The following PPP2R5A variants were observed in gnomAD, a reference collection of about 807,000 sequenced individuals.
PPP2R5A encodes the protein serine/threonine-protein phosphatase 2A 56 kDa regulatory subunit alpha isoform.
In PPP2R5A, 25 loss-of-function variants were observed where a neutral mutation model predicts 64.2. That is an observed-to-expected ratio of 0.39 (90% CI 0.28 to 0.54). The LOEUF is 0.54. Among genes scored for constraint, PPP2R5A ranks in the 20% least tolerant of loss-of-function variants. PPP2R5A has a pLI of 0.67. For missense variants in PPP2R5A, 425 were observed against 576.3 expected (o/e 0.74, Z 2.69); for synonymous variants, 198 against 201.2 (o/e 0.98, Z 0.13).
chr1:212,300,026 C>G (rs1462557853), intron 1 of PPP2R5A, among the ~76,000 whole-genome samples: 1 of 152,120 alleles, frequency 6.6e-6, no homozygotes, highest in Non-Finnish European at 1.5e-5. Flanking sequence ...GTTGGCCATG[C>G]TGGTCTTGAA....
chr1:212,321,187 G>C (rs550017382), intron 1 of PPP2R5A, among the ~76,000 whole-genome samples: 8 of 146,802 alleles, frequency 5.4e-5, no homozygotes, highest in African/African-American at 1.8e-4. Context: ...TGGCCAGGCG[G>C]GGGGCTGACC....
At chr1:212,297,563 C>T (rs1658721240) in intron 1 of PPP2R5A, 1 of 152,118 alleles carries the variant, frequency 6.6e-6, no homozygotes, top group Non-Finnish European at 1.5e-5. Context: ...GTCTTTAGAC[C>T]TTTAGACTGT....
At chr1:212,302,738 G>A (rs1658820649) in intron 1 of PPP2R5A, among the ~76,000 whole-genome samples, 2 of 152,116 alleles carry the variant, frequency 1.3e-5, no homozygotes, top group African/African-American at 4.8e-5. Context: ...CCCTTTAACT[G>A]TCACCCCCTA....
At chr1:212,291,665 A>G (rs563268194) in intron 1 of PPP2R5A, among the ~76,000 whole-genome samples, 1 of 152,110 alleles carries the variant, frequency 6.6e-6, no homozygotes, top group African/African-American at 2.4e-5. Flanking sequence ...ACCTCCTGCT[A>G]TTTACATTTC....
At chr1:212,335,397 C>A (rs1659575420) in intron 3 of PPP2R5A, among the ~76,000 whole-genome samples, 1 of 151,756 alleles carries the variant, frequency 6.6e-6, no homozygotes, top group South Asian at 2.1e-4. Flanking sequence ...ATCGCTGGAA[C>A]CCAGGAGGCG....
At chr1:212,346,130 T>C (rs1310510932) in intron 5 of PPP2R5A, among the ~76,000 whole-genome samples, 197 bp downstream of exon 5, 2 of 152,002 alleles carry the variant, frequency 1.3e-5, no homozygotes, top group Admixed American at 6.6e-5. Context: ...GCCTGCCAAG[T>C]AGTGAGACTA....
At chr1:212,330,822 T>A (rs185869792) in intron 2 of PPP2R5A, among the ~76,000 whole-genome samples, 1 of 151,776 alleles carries the variant, frequency 6.6e-6, no homozygotes, top group Non-Finnish European at 1.5e-5. Flanking sequence ...GTTGGGTTTG[T>A]TTTTTTTCCT....
At chr1:212,305,628 T>C (rs4951444) in intron 1 of PPP2R5A, among the ~76,000 whole-genome samples, 80,810 of 151,802 alleles carry the variant, frequency 0.53, 21,828 homozygotes, top group South Asian at 0.62. Flanking sequence ...CTATCCATTA[T>C]TGAAAGTGGG....
intron 1 of PPP2R5A, among the ~76,000 whole-genome samples, chr1:212,321,102 G>C (rs1356024229): frequency 1.5e-5 from 2 of 131,814 alleles, no homozygotes; most frequent in African/African-American, 6.0e-5. Flanking sequence ...GGGGCGGCTG[G>C]CCGGGCAGAG....
At chr1:212,316,770 A>G (rs1045808950) in intron 1 of PPP2R5A, among the ~76,000 whole-genome samples, 1 of 151,956 alleles carries the variant, frequency 6.6e-6, no homozygotes, top group African/African-American at 2.4e-5. Context: ...TGGATAAACA[A>G]AAAATTACTG....
rs1185563281 is a variant in PPP2R5A, at chr1:212,329,297, T to C, written c.344T>C (p.Ile115Thr). Residue 115 changes from isoleucine to threonine, a missense_variant, in exon 2 of 13, where the codon ATT becomes ACT. Around this residue, in one of 4 missense-constraint regions of PPP2R5A, gnomAD observed 140 missense variants for 204.4 expected, o/e 0.68. Coordinates refer to ENST00000261461, the MANE Select transcript of PPP2R5A (RefSeq NM_006243.4). ...TATGTTTCAACTAATCGTGGTGTAATTGTTGAATCAGCGTATTCTGATATA... is the reference window on the plus strand; with the variant it reads ...TATGTTTCAACTAATCGTGGTGTAACTGTTGAATCAGCGTATTCTGATATA... ...VEYVSTNRGV[I>T]VESAYSDIVK... is the part of the protein sequence containing the mutation. 4 of 1,606,680 alleles carry C rather than the reference T, an allele frequency of 2.5e-6. No homozygotes were observed. Among genetic ancestry groups the C allele is most frequent in the Non-Finnish European group, 3.4e-6 (4 of 1,177,858 alleles).
chr1:212,295,777 C>T (rs1382407852), intron 1 of PPP2R5A, among the ~76,000 whole-genome samples: 2 of 152,032 alleles, frequency 1.3e-5, no homozygotes, highest in East Asian at 3.9e-4. Context: ...GAAAAGTTTC[C>T]GTGGGTTAGT....
chr1:212,343,148 T>C (rs1659715159), intron 4 of PPP2R5A, among the ~76,000 whole-genome samples: 1 of 152,082 alleles, frequency 6.6e-6, no homozygotes, highest in Admixed American at 6.6e-5. Flanking sequence ...AGACGGGGTT[T>C]CACCACATTG....
chr1:212,294,847 T>A (rs1658664110), intron 1 of PPP2R5A, among the ~76,000 whole-genome samples: 1 of 152,168 alleles, frequency 6.6e-6, no homozygotes, highest in Non-Finnish European at 1.5e-5. Flanking sequence ...GAAAGTTTCC[T>A]GGAGAAAGTG....
chr1:212,351,046 A>G (rs1018826863), intron 8 of PPP2R5A, among the ~76,000 whole-genome samples: 1 of 150,574 alleles, frequency 6.6e-6, no homozygotes, highest in Non-Finnish European at 1.5e-5. Flanking sequence ...AGGGAGGCCG[A>G]GGCACAAGAA....
chr1:212,347,602 C>T (rs1446258128), intron 6 of PPP2R5A, among the ~76,000 whole-genome samples, 196 bp downstream of exon 6: 5 of 151,260 alleles, frequency 3.3e-5, no homozygotes, highest in Admixed American at 6.6e-5. Context: ...TGCAATGGCG[C>T]GTTCTCGGCT....
At chr1:212,356,791 C>T in intron 9 of PPP2R5A, 115 bp downstream of exon 9, 2 of 1,335,606 alleles carry the variant, frequency 1.5e-6, no homozygotes, top group Non-Finnish European at 2.0e-6. Context: ...GGGAGATGTA[C>T]ACAGACTTGG....
rs1028968289 is a variant in PPP2R5A, at chr1:212,309,160, T to C, written c.182-19975T>C. 98 of 1,266,852 alleles carry C rather than the reference T, an allele frequency of 7.7e-5. No individual in the cohort carries two copies. In the East Asian group the frequency reaches 1.1e-3, roughly 14 times the overall value. 78.5% of individuals were successfully genotyped at this position (1,266,852 alleles called of 1,614,324 possible). ...AATCAGGGTGTTGACCTTGGCCACA[T>C]TGGTGTCATAGAGCTTCTTCACAGC... On this transcript the variant is annotated intron_variant, in intron 1 of 12. Transcript: ENST00000261461.
intron 1 of PPP2R5A, among the ~76,000 whole-genome samples, chr1:212,300,922 C>G (rs1315750382): frequency 6.6e-6 from 1 of 151,882 alleles, no homozygotes; most frequent in South Asian, 2.1e-4. Flanking sequence ...CTTGGATTTC[C>G]CCACCACCAC....
Sources: gnomAD v4.1 joint callset for allele counts (sites outside exome capture counted in the v4.1 genomes callset) on GRCh38, gnomAD v4.1.1 for gene constraint, gnomAD v4.1.1 regional missense constraint, MANE v1.5 for transcripts, NCBI Gene and HGNC (gene_info 2026-07-23, HGNC 2026-07-21) for gene names.